Variants in FSIP1 observed in about 807,000 individuals in gnomAD.
FSIP1 encodes fibrous sheath interacting protein 1.
A neutral mutation model predicts 60.9 loss-of-function variants in FSIP1; 65 were observed. The observed-to-expected ratio is 1.07, with a 90% CI of 0.87 to 1.31. The LOEUF (loss-of-function observed/expected upper bound fraction) is 1.31, where lower values mean the gene tolerates loss of function less well. Among genes scored for constraint, FSIP1 ranks in the 40% most tolerant of loss-of-function variants. The probability of loss-of-function intolerance (pLI) is 0.00; values close to 1 mark genes in which losing one functional copy is unlikely to be tolerated. For missense variants in FSIP1, 675 were observed against 665.5 expected (o/e 1.01, Z -0.16); for synonymous variants, 209 against 221.2 (o/e 0.94, Z 0.49).
chr15:39,761,056 C>T (rs1046805492), intron 5 of FSIP1, among the ~76,000 whole-genome samples: 5 of 152,074 alleles, frequency 3.3e-5, no homozygotes, highest in African/African-American at 9.7e-5. Context: ...TGGCTCTCAC[C>T]AAAAACACAA....
chr15:39,633,091 CTT>C (rs869063502), intron 10 of FSIP1, among the ~76,000 whole-genome samples: 12 of 112,884 alleles, frequency 1.1e-4, no homozygotes, highest in African/African-American at 2.6e-4. Flanking sequence ...GGCTATACTT[CTT>C]TTTTTTTTTT....
At chr15:39,715,661 T>C (rs975458406) in intron 9 of FSIP1, among the ~76,000 whole-genome samples, 3 of 152,202 alleles carry the variant, frequency 2.0e-5, no homozygotes, top group African/African-American at 7.2e-5. Flanking sequence ...CTGATATCGT[T>C]TGGATCTCTG....
intron 11 of FSIP1, among the ~76,000 whole-genome samples, chr15:39,602,937 C>A (rs1254448741): frequency 6.6e-6 from 1 of 152,118 alleles, no homozygotes; most frequent in Admixed American, 6.5e-5. Context: ...CATCAATATA[C>A]CTAGAACAAC....
At chr15:39,662,632 G>A (rs757535075) in intron 10 of FSIP1, among the ~76,000 whole-genome samples, 3 of 151,200 alleles carry the variant, frequency 2.0e-5, no homozygotes, top group Non-Finnish European at 4.4e-5. Flanking sequence ...AAATCAAATC[G>A]ACTTCCTTCT....
chr15:39,700,474 T>C (rs1258477327), intron 10 of FSIP1, among the ~76,000 whole-genome samples: 1 of 152,240 alleles, frequency 6.6e-6, no homozygotes, highest in Non-Finnish European at 1.5e-5. Context: ...TTGAATTAAA[T>C]CTGGATTTGT....
chr15:39,629,964 C>T (rs1275979619), intron 10 of FSIP1, among the ~76,000 whole-genome samples: 1 of 152,178 alleles, frequency 6.6e-6, no homozygotes, highest in Admixed American at 6.5e-5. Flanking sequence ...CAGTTAACTC[C>T]ACATTTAACT....
At chr15:39,644,371 C>T (rs1200798111) in intron 10 of FSIP1, among the ~76,000 whole-genome samples, 1 of 152,092 alleles carries the variant, frequency 6.6e-6, no homozygotes, top group Non-Finnish European at 1.5e-5. Context: ...ATGAGAAGAC[C>T]TTTCGTTTCC....
intron 10 of FSIP1, among the ~76,000 whole-genome samples, chr15:39,700,257 T>C (rs2254942): frequency 0.82 from 123,911 of 152,028 alleles, 50,930 homozygotes; most frequent in Non-Finnish European, 0.87. Context: ...TTCCTCAAGG[T>C]TCAATTCTGA....
At chr15:39,769,822 C>T (rs1897821519) in intron 3 of FSIP1, among the ~76,000 whole-genome samples, 1 of 152,124 alleles carries the variant, frequency 6.6e-6, no homozygotes, top group African/African-American at 2.4e-5. Context: ...AGCAATTTTG[C>T]CCACCATTCC....
chr15:39,635,021 C>G (rs1237810316), intron 10 of FSIP1, among the ~76,000 whole-genome samples: 2 of 150,350 alleles, frequency 1.3e-5, no homozygotes, highest in African/African-American at 5.0e-5. Flanking sequence ...TGTTTATTCT[C>G]TGCTTATGTG....
chr15:39,708,449 T>C (rs1842498280), intron 10 of FSIP1, among the ~76,000 whole-genome samples: 1 of 152,170 alleles, frequency 6.6e-6, no homozygotes, highest in African/African-American at 2.4e-5. Context: ...CAGAAATACG[T>C]CTCTTTTTGG....
At chr15:39,617,288 T>C (rs1056361122) in intron 11 of FSIP1, among the ~76,000 whole-genome samples, 6 of 152,130 alleles carry the variant, frequency 3.9e-5, no homozygotes, top group Non-Finnish European at 7.4e-5. Flanking sequence ...CCTGAGAACA[T>C]AGGAGTGGCT....
At chr15:39,746,825 AG>A (rs1430223279) in intron 5 of FSIP1, among the ~76,000 whole-genome samples, 1 of 136,908 alleles carries the variant, frequency 7.3e-6, no homozygotes, top group East Asian at 1.9e-4. Flanking sequence ...ATAAAAATAA[AG>A]GGGGAAGAAG....
chr15:39,708,377 T>A (rs993120463), intron 10 of FSIP1, among the ~76,000 whole-genome samples: 1 of 152,228 alleles, frequency 6.6e-6, no homozygotes, highest in African/African-American at 2.4e-5. Context: ...CTACTTTGAA[T>A]ACTTAGTCCC....
At chr15:39,635,924 C>A (rs1595557461) in intron 10 of FSIP1, among the ~76,000 whole-genome samples, 1 of 152,080 alleles carries the variant, frequency 6.6e-6, no homozygotes, top group African/African-American at 2.4e-5. Context: ...CAGAGAACAG[C>A]CAAATTTTTT....
Position 39,775,458 on chromosome 15 carries a change from A to G in FSIP1, c.126+941T>C, listed in dbSNP as rs549285923. Among the ~76,000 whole-genome samples the G allele has an allele frequency of 2.0e-5, 3 of 152,146 alleles. No homozygotes were observed. The South Asian group carries it at 6.2e-4, about 32-fold the overall frequency. On this transcript the variant is annotated intron_variant, in intron 2 of 11. Transcript: ENST00000350221. The stretch of plus-strand genomic sequence containing the variant: ...AAATGAGAAAACTAATGCTTTAAGT[A>G]AAAAAATCAAGTCTAGAAGTCTAGA...
intron 10 of FSIP1, among the ~76,000 whole-genome samples, chr15:39,691,057 T>G (rs1894578708): frequency 6.6e-6 from 1 of 152,178 alleles, no homozygotes; most frequent in African/African-American, 2.4e-5. Context: ...GGAAGTTCCT[T>G]GGCCCCTATA....
At chr15:39,615,914 T>C (rs371222119) in intron 11 of FSIP1, among the ~76,000 whole-genome samples, 14 of 152,152 alleles carry the variant, frequency 9.2e-5, no homozygotes, top group African/African-American at 3.4e-4. Flanking sequence ...ATTAATCACA[T>C]ATTGTATGTT....
chr15:39,726,648 A>G lies in FSIP1; in HGVS notation c.991T>C (p.Ser331Pro). Residue 331 changes from serine to proline, a missense_variant, in exon 9 of 12, where the codon TCT becomes CCT. Transcript: ENST00000350221. ...CTGGAAATTGTAGGGGAGGCTGCAGAGAGTTCTTGGAGTTTTATATCAATT... is the reference window on the plus strand; with the variant it reads ...CTGGAAATTGTAGGGGAGGCTGCAGGGAGTTCTTGGAGTTTTATATCAATT... ...AEIDIKLQEL[S>P]AASPTISSFS... 5 of 1,614,126 alleles carry G rather than the reference A, an allele frequency of 3.1e-6. No individual in the cohort carries two copies. The highest frequency in any genetic ancestry group is 4.2e-6 in the Non-Finnish European group (5 of 1,180,010).
Sources: allele counts gnomAD v4.1 joint callset (sites outside exome capture counted in the v4.1 genomes callset), GRCh38; gene constraint gnomAD v4.1.1; transcripts MANE v1.5; gene names NCBI Gene and HGNC (gene_info 2026-07-23, HGNC 2026-07-21).